The following PTPRT variants were observed in gnomAD, a reference collection of about 807,000 sequenced individuals.
PTPRT encodes the protein protein tyrosine phosphatase receptor type T.
In PTPRT, 56 loss-of-function variants were observed where a neutral mutation model predicts 176.8. The ratio of observed to expected loss-of-function variants is 0.32; its 90% CI spans 0.26 to 0.40. PTPRT has a LOEUF of 0.40. PTPRT is among the 10% of genes least tolerant of loss of function. The pLI, the probability that PTPRT is intolerant of heterozygous loss-of-function variation, is 1.00. For synonymous variants in PTPRT, 783 were observed against 739.0 expected, an observed-to-expected ratio of 1.06 and a Z score of -0.96; for missense variants, 1,540 against 1,908.2, an observed-to-expected ratio of 0.81 and a Z score of 3.60.
chr20:42,364,175 C>G (rs2145575780), intron 9 of PTPRT, among the ~76,000 whole-genome samples: 1 of 152,212 alleles, frequency 6.6e-6, no homozygotes, highest in African/African-American at 2.4e-5. Context: ...TTGTCAGAGG[C>G]CAAGTCAGGG....
intron 2 of PTPRT, among the ~76,000 whole-genome samples, chr20:42,883,847 GAC>G (rs1315664573): frequency 9.7e-5 from 1 of 10,266 alleles, no homozygotes; most frequent in Non-Finnish European, 1.8e-4. Context: ...CATACACATA[GAC>G]ACACACCCCC....
chr20:42,309,233 C>T (rs746606245), intron 12 of PTPRT, among the ~76,000 whole-genome samples: 1 of 152,190 alleles, frequency 6.6e-6, no homozygotes, highest in African/African-American at 2.4e-5. Context: ...TGCATCCAAC[C>T]GTTAATTATG....
At chr20:42,601,729 C>T (rs1601350194) in intron 7 of PTPRT, among the ~76,000 whole-genome samples, 1 of 152,140 alleles carries the variant, frequency 6.6e-6, no homozygotes, top group South Asian at 2.1e-4. Context: ...TTAATGAATA[C>T]ATCTCAATAA....
At chr20:42,732,003 G>A (rs1293719431) in intron 6 of PTPRT, among the ~76,000 whole-genome samples, 5 of 152,062 alleles carry the variant, frequency 3.3e-5, no homozygotes, top group Admixed American at 2.0e-4. Flanking sequence ...ACTTTCTGTC[G>A]TGATGCTCTA....
At chr20:42,272,784 A>T (rs2056961193) in intron 13 of PTPRT, among the ~76,000 whole-genome samples, 1 of 152,082 alleles carries the variant, frequency 6.6e-6, no homozygotes, top group Non-Finnish European at 1.5e-5. Context: ...GTGGCCCCTG[A>T]TCACTCCTAA....
At chr20:42,188,259 G>T (rs180672250) in intron 16 of PTPRT, among the ~76,000 whole-genome samples, 8 of 152,194 alleles carry the variant, frequency 5.3e-5, no homozygotes, top group South Asian at 2.1e-4. Flanking sequence ...ATGATTAGAG[G>T]TTGGGAGCAA....
intron 1 of PTPRT, among the ~76,000 whole-genome samples, chr20:43,178,058 T>C (rs780777437): frequency 1.8e-4 from 27 of 152,224 alleles, no homozygotes; most frequent in Non-Finnish European, 3.5e-4. Context: ...GCAAGGGTGT[T>C]GTAGTATCTG....
intron 1 of PTPRT, among the ~76,000 whole-genome samples, chr20:42,920,899 C>T (rs1337367765): frequency 6.6e-6 from 1 of 152,142 alleles, no homozygotes; most frequent in Non-Finnish European, 1.5e-5. Context: ...TGCAAAACAA[C>T]AAAATATTTA....
chr20:42,656,336 T>C (rs1243976884), intron 7 of PTPRT, among the ~76,000 whole-genome samples: 5 of 152,138 alleles, frequency 3.3e-5, no homozygotes, highest in Admixed American at 6.5e-5. Context: ...CCTGCAAATA[T>C]TTGACATGTG....
intron 14 of PTPRT, among the ~76,000 whole-genome samples, chr20:42,242,345 G>A (rs2056371219): frequency 6.6e-6 from 1 of 152,184 alleles, no homozygotes; most frequent in African/African-American, 2.4e-5. Context: ...CATTCAACAT[G>A]TTTTTAGGAA....
At chr20:43,164,921 GAC>G (rs1168826793) in intron 1 of PTPRT, among the ~76,000 whole-genome samples, 1 of 152,082 alleles carries the variant, frequency 6.6e-6, no homozygotes, top group Non-Finnish European at 1.5e-5. Flanking sequence ...TGGCCCATGG[GAC>G]ACAGTTTTCT....
intron 2 of PTPRT, among the ~76,000 whole-genome samples, chr20:42,809,418 T>C (rs2077662367): frequency 6.6e-6 from 1 of 152,154 alleles, no homozygotes; most frequent in Non-Finnish European, 1.5e-5. Context: ...GGCACTGAGA[T>C]GGAGCAGGGA....
the PTPRT span, among the ~76,000 whole-genome samples, chr20:42,040,810 G>GC: frequency 6.6e-6 from 1 of 152,178 alleles, no homozygotes; most frequent in South Asian, 2.1e-4. Context: ...CCTTTGCCTG[G>GC]CAGAGCTTTA....
At chr20:42,548,202 T>C (rs768348418) in intron 7 of PTPRT, among the ~76,000 whole-genome samples, 1 of 152,072 alleles carries the variant, frequency 6.6e-6, no homozygotes, top group Non-Finnish European at 1.5e-5. Flanking sequence ...ATTGGACTCC[T>C]ATAAGAACTA....
chr20:42,915,482 A>C (rs1600552290), intron 1 of PTPRT, among the ~76,000 whole-genome samples: 1 of 152,214 alleles, frequency 6.6e-6, no homozygotes, highest in African/African-American at 2.4e-5. Flanking sequence ...ATCTTCAGAG[A>C]GGACCAGATT....
chr20:42,760,786 T>C (rs1238162717), intron 5 of PTPRT, among the ~76,000 whole-genome samples: 3 of 152,204 alleles, frequency 2.0e-5, no homozygotes, highest in Non-Finnish European at 4.4e-5. Flanking sequence ...ATTCTAGGGC[T>C]GATATCCACT....
the PTPRT span, among the ~76,000 whole-genome samples, chr20:42,066,621 C>T: frequency 6.6e-6 from 1 of 152,122 alleles, no homozygotes; most frequent in Non-Finnish European, 1.5e-5. Context: ...ACTACCTGCT[C>T]TTGTATCTTT....
At chr20:43,180,339 C>T (rs940953685) in intron 1 of PTPRT, among the ~76,000 whole-genome samples, 1 of 142,412 alleles carries the variant, frequency 7.0e-6, no homozygotes, top group Admixed American at 7.3e-5. Flanking sequence ...AGAAATGAAT[C>T]AATCTCTCTC....
intron 7 of PTPRT, among the ~76,000 whole-genome samples, chr20:42,493,570 T>C (rs1402987207): frequency 6.6e-6 from 1 of 152,104 alleles, no homozygotes; most frequent in African/African-American, 2.4e-5. Context: ...TCAGTTAGGA[T>C]AAGAACTCAT....
Sources: gnomAD v4.1 joint callset for allele counts (sites outside exome capture counted in the v4.1 genomes callset) on GRCh38, gnomAD v4.1.1 for gene constraint, MANE v1.5 for transcripts, NCBI Gene and HGNC (gene_info 2026-07-23, HGNC 2026-07-21) for gene names.